The following LRRC7 variants were observed in gnomAD, a reference collection of about 807,000 sequenced individuals.
LRRC7 encodes the protein leucine rich repeat containing 7.
In LRRC7, 23 loss-of-function variants were observed where a neutral mutation model predicts 175.7. That is an observed-to-expected ratio of 0.13 (90% confidence interval 0.09 to 0.19). The LOEUF (loss-of-function observed/expected upper bound fraction) is 0.19. Among genes scored for constraint, LRRC7 ranks in the 10% least tolerant of loss-of-function variants. LRRC7 has a pLI of 1.00. For missense variants in LRRC7, 1,354 were observed against 1,904.7 expected (o/e 0.71, Z 5.38); for synonymous variants, 685 against 680.9 (o/e 1.01, Z -0.09).
chr1:70,046,119 G>A (rs1210105043), intron 22 of LRRC7, among the ~76,000 whole-genome samples: 2 of 152,056 alleles, frequency 1.3e-5, no homozygotes, highest in Non-Finnish European at 2.9e-5. Flanking sequence ...ATATGAAGAT[G>A]CCCCTATTTG....
chr1:69,825,664 T>C, intron 4 of LRRC7, 84 bp from the exon 5 acceptor site: 2 of 868,544 alleles, frequency 2.3e-6, no homozygotes, highest in South Asian at 3.8e-5. Context: ...CTCATAGTTT[T>C]AATAATTATC....
chr1:70,119,535 C>A (rs1361097598), intron 26 of LRRC7, among the ~76,000 whole-genome samples: 43 of 150,200 alleles, frequency 2.9e-4, no homozygotes, highest in Non-Finnish European at 5.9e-5. Context: ...AAAAAAAATG[C>A]TTAAGTAATC....
At chr1:69,904,021 C>T (rs1253695263) in intron 7 of LRRC7, among the ~76,000 whole-genome samples, 3 of 152,052 alleles carry the variant, frequency 2.0e-5, no homozygotes, top group Non-Finnish European at 4.4e-5. Flanking sequence ...AATAGCCTAC[C>T]AACCAAAAAA....
chr1:69,749,914 A>G (rs1247824329), intron 2 of LRRC7, among the ~76,000 whole-genome samples: 1 of 151,978 alleles, frequency 6.6e-6, no homozygotes, highest in Non-Finnish European at 1.5e-5. Flanking sequence ...TATAAAAATT[A>G]GCCAGGCATG....
intron 8 of LRRC7, 130 bp downstream of exon 8, chr1:69,931,700 G>T (rs1198884160): frequency 9.3e-5 from 69 of 740,540 alleles, no homozygotes; most frequent in Non-Finnish European, 2.7e-5. Flanking sequence ...TAAAAACCTG[G>T]AAGTTAATAT....
intron 7 of LRRC7, among the ~76,000 whole-genome samples, chr1:69,839,807 A>C (rs990324351): frequency 1.3e-5 from 2 of 152,084 alleles, no homozygotes; most frequent in African/African-American, 4.8e-5. Context: ...TTTAAATATG[A>C]ATTTTAAATA....
chr1:69,810,419 A>G (rs995053791), intron 4 of LRRC7, among the ~76,000 whole-genome samples: 1 of 151,962 alleles, frequency 6.6e-6, no homozygotes, highest in Non-Finnish European at 1.5e-5. Flanking sequence ...TTAGAAAAAA[A>G]TATTTTAAAT....
At chr1:69,743,997 C>T (rs1440438376) in intron 2 of LRRC7, among the ~76,000 whole-genome samples, 2 of 151,454 alleles carry the variant, frequency 1.3e-5, no homozygotes, top group Non-Finnish European at 3.0e-5. Flanking sequence ...ACTTACTATC[C>T]TCTACCCAAT....
At chr1:69,858,462 A>T (rs1028228908) in intron 7 of LRRC7, among the ~76,000 whole-genome samples, 1 of 151,648 alleles carries the variant, frequency 6.6e-6, no homozygotes, top group African/African-American at 2.4e-5. Context: ...ATAATAATAA[A>T]AAAAAATCCA....
intron 7 of LRRC7, chr1:69,919,650 A>G (rs1646822803): frequency 1.1e-6 from 1 of 880,120 alleles, no homozygotes; most frequent in Non-Finnish European, 1.9e-6. Flanking sequence ...GCAGGAGAGA[A>G]GGACTTTGAG....
chr1:69,902,751 A>G (rs1160674914), intron 7 of LRRC7, among the ~76,000 whole-genome samples: 2 of 152,222 alleles, frequency 1.3e-5, no homozygotes, highest in African/African-American at 4.8e-5. Flanking sequence ...TTGACAAAAA[A>G]TTAATCTTTA....
chr1:69,995,571 G>C (rs12022309), intron 11 of LRRC7, among the ~76,000 whole-genome samples: 5 of 113,446 alleles, frequency 4.4e-5, no homozygotes, highest in African/African-American at 1.7e-4. Context: ...ACCCCACAAT[G>C]GTCCCCAGAG....
intron 26 of LRRC7, among the ~76,000 whole-genome samples, chr1:70,112,324 G>A (rs1386101975): frequency 1.3e-5 from 2 of 152,090 alleles, no homozygotes; most frequent in Admixed American, 1.3e-4. Flanking sequence ...ATGCCCATTA[G>A]ACCTATTATC....
At chr1:69,618,201 C>G (rs576166427) in intron 1 of LRRC7, among the ~76,000 whole-genome samples, 1 of 152,204 alleles carries the variant, frequency 6.6e-6, no homozygotes, top group South Asian at 2.1e-4. Flanking sequence ...TCTCCATTAC[C>G]AGATCTGATC....
intron 2 of LRRC7, among the ~76,000 whole-genome samples, chr1:69,679,752 A>G (rs1660240342): frequency 6.6e-6 from 1 of 152,094 alleles, no homozygotes; most frequent in African/African-American, 2.4e-5. Flanking sequence ...TTTAAATAAA[A>G]CTTAAAAGGG....
At chr1:69,750,481 C>G (rs1358711823) in intron 2 of LRRC7, among the ~76,000 whole-genome samples, 2 of 152,094 alleles carry the variant, frequency 1.3e-5, no homozygotes, top group Non-Finnish European at 2.9e-5. Context: ...AAAAAGGTAT[C>G]TAGAAAACAT....
intron 8 of LRRC7, among the ~76,000 whole-genome samples, chr1:69,977,166 C>A (rs1394892996): frequency 6.6e-6 from 1 of 152,148 alleles, no homozygotes; most frequent in Non-Finnish European, 1.5e-5. Context: ...CCATTTTTAT[C>A]TTTTAAATGT....
At chr1:69,840,501 T>C (rs1427428600) in intron 7 of LRRC7, among the ~76,000 whole-genome samples, 2 of 152,082 alleles carry the variant, frequency 1.3e-5, no homozygotes, top group South Asian at 4.1e-4. Context: ...TTTTCTCTTC[T>C]TTTCATCTTT....
chr1:70,070,954 C>G (rs1662337814), intron 23 of LRRC7, among the ~76,000 whole-genome samples: 1 of 152,182 alleles, frequency 6.6e-6, no homozygotes, highest in Non-Finnish European at 1.5e-5. Context: ...GAATGCTGTG[C>G]ACCTACTTGC....
Sources: gnomAD v4.1 joint callset for allele counts (sites outside exome capture counted in the v4.1 genomes callset) on GRCh38, gnomAD v4.1.1 for gene constraint, MANE v1.5 for transcripts, NCBI Gene and HGNC (gene_info 2026-07-23, HGNC 2026-07-21) for gene names.